The following CATSPERB variants were observed in gnomAD, a reference collection of about 807,000 sequenced individuals.
CATSPERB encodes cation channel sperm-associated auxiliary subunit beta.
A neutral mutation model predicts 128.3 loss-of-function variants in CATSPERB; 93 were observed. That is an observed-to-expected ratio of 0.72 (90% CI 0.61 to 0.86). CATSPERB has a LOEUF of 0.86. Ranked by LOEUF, CATSPERB falls within the 40% of genes least tolerant of loss-of-function variation. The pLI, the probability that CATSPERB is intolerant of heterozygous loss-of-function variation, is 0.00. For missense variants in CATSPERB, 1,153 were observed against 1,329.5 expected (o/e 0.87, Z 2.06); for synonymous variants, 381 against 448.8 (o/e 0.85, Z 1.91).
intron 19 of CATSPERB, among the ~76,000 whole-genome samples, chr14:91,619,511 T>C (rs888363728): frequency 2.6e-5 from 4 of 151,198 alleles, no homozygotes; most frequent in African/African-American, 9.7e-5. Flanking sequence ...TTTTCACTTA[T>C]ATAAACTACT....
chr14:91,682,715 C>G (rs1284712375), intron 11 of CATSPERB, among the ~76,000 whole-genome samples: 1 of 152,164 alleles, frequency 6.6e-6, no homozygotes, highest in African/African-American at 2.4e-5. Context: ...AAATGGGCAT[C>G]CTGGTGGTTT....
intron 11 of CATSPERB, among the ~76,000 whole-genome samples, chr14:91,679,274 A>T (rs1895241996): frequency 6.6e-6 from 1 of 152,184 alleles, no homozygotes; most frequent in South Asian, 2.1e-4. Flanking sequence ...TAAAGTTTAA[A>T]GTTATTAAAA....
chr14:91,686,550 C>G (rs1010868681), intron 10 of CATSPERB, among the ~76,000 whole-genome samples: 1 of 152,096 alleles, frequency 6.6e-6, no homozygotes, highest in African/African-American at 2.4e-5. Context: ...CTCCCCAATC[C>G]CAGCACCCTT....
chr14:91,714,554 AC>A (rs1404141224), intron 5 of CATSPERB, among the ~76,000 whole-genome samples: 4 of 104,850 alleles, frequency 3.8e-5, no homozygotes, highest in African/African-American at 6.8e-5. Flanking sequence ...ACCATAAACT[AC>A]TTTTTTTTTT....
chr14:91,626,595 TTCTC>T (rs1264086099), intron 17 of CATSPERB, among the ~76,000 whole-genome samples: 1 of 152,026 alleles, frequency 6.6e-6, no homozygotes, highest in Non-Finnish European at 1.5e-5. Flanking sequence ...CCCCCTGTCT[TTCTC>T]TCTCTCTTTT....
At chr14:91,706,275 G>A (rs1021625297) in intron 6 of CATSPERB, among the ~76,000 whole-genome samples, 5 of 152,162 alleles carry the variant, frequency 3.3e-5, no homozygotes, top group Non-Finnish European at 7.3e-5. Context: ...TCACCAGGAA[G>A]TCACTCCAGA....
chr14:91,633,315 C>T (rs1894310073), intron 17 of CATSPERB, among the ~76,000 whole-genome samples: 2 of 151,786 alleles, frequency 1.3e-5, no homozygotes, highest in Admixed American at 1.3e-4. Context: ...TGAAATTGAC[C>T]ATAATGAATG....
intron 21 of CATSPERB, among the ~76,000 whole-genome samples, chr14:91,609,664 C>A (rs940932827): frequency 2.0e-5 from 3 of 152,068 alleles, no homozygotes; most frequent in African/African-American, 4.8e-5. Flanking sequence ...AGACTAGTAT[C>A]TATATATATT....
intron 11 of CATSPERB, among the ~76,000 whole-genome samples, chr14:91,676,384 G>A (rs920505445): frequency 1.3e-5 from 2 of 152,112 alleles, no homozygotes; most frequent in African/African-American, 4.8e-5. Context: ...TCCTCTTTGG[G>A]ACTCCAGCTG....
rs1894318003 is a variant in CATSPERB, at chr14:91,633,794, GT to G, written c.1742+2630del. ...GATAAATTTATTTAAATGATAAAGG[GT>G]TTAAGAAAACTATGAAATGCTTAAA... On this transcript the variant is annotated intron_variant, in intron 17 of 26. Transcript: ENST00000256343. Among the ~76,000 whole-genome samples the G allele has an allele frequency of 2.0e-5, 3 of 151,736 alleles. No individual in the cohort carries two copies. The East Asian group carries it at 5.8e-4, about 29-fold the overall frequency.
chr14:91,628,431 A>G (rs1894209452), intron 17 of CATSPERB, among the ~76,000 whole-genome samples: 1 of 152,232 alleles, frequency 6.6e-6, no homozygotes, highest in Non-Finnish European at 1.5e-5. Context: ...AATGTTCTAC[A>G]TCATATACTG....
chr14:91,640,061 T>TGG (rs1894463452), intron 15 of CATSPERB, among the ~76,000 whole-genome samples: 1 of 152,126 alleles, frequency 6.6e-6, no homozygotes, highest in Non-Finnish European at 1.5e-5. Context: ...TCTAGGCTTA[T>TGG]GTAGCTAACT....
intron 17 of CATSPERB, among the ~76,000 whole-genome samples, chr14:91,627,429 C>T (rs1307166393): frequency 6.6e-6 from 1 of 152,068 alleles, no homozygotes; most frequent in Admixed American, 6.6e-5. Flanking sequence ...AAGAGAAAAA[C>T]AGGTGGAATT....
At chr14:91,597,316 C>T (rs1388009171) in intron 22 of CATSPERB, among the ~76,000 whole-genome samples, 1 of 152,046 alleles carries the variant, frequency 6.6e-6, no homozygotes, top group Non-Finnish European at 1.5e-5. Context: ...GTGATAATTC[C>T]AGCATTCCAA....
At chr14:91,671,267 A>C (rs1895083151) in intron 13 of CATSPERB, among the ~76,000 whole-genome samples, 1 of 151,932 alleles carries the variant, frequency 6.6e-6, no homozygotes, top group South Asian at 2.1e-4. Flanking sequence ...ATTTACAAAC[A>C]TTATCAAAAA....
At chr14:91,629,303 G>A (rs1894228392) in intron 17 of CATSPERB, among the ~76,000 whole-genome samples, 2 of 152,290 alleles carry the variant, frequency 1.3e-5, no homozygotes, top group Non-Finnish European at 2.9e-5. Context: ...CAAACTATAT[G>A]ACATTCTGGA....
At chr14:91,666,299 C>A (rs1217273671) in intron 14 of CATSPERB, among the ~76,000 whole-genome samples, 3 of 152,184 alleles carry the variant, frequency 2.0e-5, no homozygotes, top group African/African-American at 7.2e-5. Context: ...CTTGGAATCA[C>A]CGGCTTTTGC....
intron 20 of CATSPERB, among the ~76,000 whole-genome samples, chr14:91,612,223 C>T (rs992865531): frequency 6.6e-6 from 1 of 152,080 alleles, no homozygotes. Flanking sequence ...CCACACCTAG[C>T]TTTTGAAATC....
intron 10 of CATSPERB, among the ~76,000 whole-genome samples, chr14:91,685,565 G>C (rs931362414): frequency 1.1e-4 from 17 of 152,132 alleles, no homozygotes; most frequent in African/African-American, 3.4e-4. Context: ...AATCTTGTGA[G>C]GCTAGTCTGG....
Sources: allele counts gnomAD v4.1 joint callset (sites outside exome capture counted in the v4.1 genomes callset), GRCh38; gene constraint gnomAD v4.1.1; transcripts MANE v1.5; gene names NCBI Gene and HGNC (gene_info 2026-07-23, HGNC 2026-07-21).